EPHA5: variants seen among roughly 807,000 people sequenced by gnomAD.
The protein encoded by EPHA5 is ephrin type-A receptor 5.
EPHA5 carries 60 observed loss-of-function variants against 105.0 expected under a neutral mutation model. The ratio of observed to expected loss-of-function variants is 0.57; its 90% CI spans 0.46 to 0.71. The LOEUF (loss-of-function observed/expected upper bound fraction) is 0.71. EPHA5 is among the 30% of genes least tolerant of loss of function. The pLI, the probability that EPHA5 is intolerant of heterozygous loss-of-function variation, is 0.00. For missense variants in EPHA5, 1,218 were observed against 1,274.7 expected, an observed-to-expected ratio of 0.96 and a Z score of 0.68; for synonymous variants, 513 against 449.1, an observed-to-expected ratio of 1.14 and a Z score of -1.80.
chr4:65,512,833 TATC>T (rs1733752870), intron 3 of EPHA5, among the ~76,000 whole-genome samples: 1 of 152,074 alleles, frequency 6.6e-6, no homozygotes, highest in Admixed American at 6.6e-5. Context: ...AACACCAAGA[TATC>T]ATCAACATGA....
intron 5 of EPHA5, among the ~76,000 whole-genome samples, chr4:65,472,290 T>C (rs375664013): frequency 5.3e-5 from 8 of 152,102 alleles, no homozygotes; most frequent in East Asian, 1.9e-4. Flanking sequence ...AGCTCCTTCA[T>C]GGGTTGGCAT....
chr4:65,325,957 A>T (rs1720032931), intron 16 of EPHA5, among the ~76,000 whole-genome samples: 1 of 150,176 alleles, frequency 6.7e-6, no homozygotes, highest in African/African-American at 2.4e-5. Flanking sequence ...GTCATTGTCA[A>T]TTTCCCCTTA....
At chr4:65,567,523 A>G (rs1401242372) in intron 3 of EPHA5, among the ~76,000 whole-genome samples, 3 of 151,636 alleles carry the variant, frequency 2.0e-5, no homozygotes, top group African/African-American at 7.2e-5. Flanking sequence ...AAAGAAAAGT[A>G]AATGTTCAAG....
chr4:65,579,434 C>A (rs1741396513), intron 3 of EPHA5, among the ~76,000 whole-genome samples: 1 of 148,740 alleles, frequency 6.7e-6, no homozygotes, highest in South Asian at 2.1e-4. Context: ...AGGATTGTGG[C>A]AGTATAGATT....
chr4:65,649,509 A>G (rs894508946), intron 1 of EPHA5, among the ~76,000 whole-genome samples: 12 of 152,338 alleles, frequency 7.9e-5, no homozygotes, highest in African/African-American at 2.9e-4. Context: ...GTCCTTTTGT[A>G]TATTAACCAC....
chr4:65,599,598 T>C (rs1015889183), intron 3 of EPHA5, among the ~76,000 whole-genome samples: 4 of 152,118 alleles, frequency 2.6e-5, no homozygotes, highest in Admixed American at 2.6e-4. Context: ...ACCGACTACA[T>C]GTGTGAAACA....
At chr4:65,605,369 C>G (rs781005544) in intron 2 of EPHA5, among the ~76,000 whole-genome samples, 1 of 152,170 alleles carries the variant, frequency 6.6e-6, no homozygotes. Flanking sequence ...CCATCTGCCT[C>G]TCATTGCTCT....
intron 2 of EPHA5, among the ~76,000 whole-genome samples, chr4:65,637,572 A>ATATATATATATATATC (rs1747251044): frequency 9.1e-6 from 1 of 109,940 alleles, no homozygotes; most frequent in Non-Finnish European, 1.9e-5. Context: ...AGTTTTGCAT[A>ATATATATATATATATC]TATATATATA....
At chr4:65,333,539 CTGTGTGTGTGTGTGTGTG>C (rs56925203) in intron 15 of EPHA5, among the ~76,000 whole-genome samples, 11,747 of 111,804 alleles carry the variant, frequency 0.11, 575 homozygotes, top group Middle Eastern at 0.16. Flanking sequence ...GAGTGTGTGT[CTGTGTGTGTGTGTGTGTG>C]TGTGTGTGTG....
At chr4:65,551,241 T>A (rs6823964) in intron 3 of EPHA5, among the ~76,000 whole-genome samples, 31,740 of 136,526 alleles carry the variant, frequency 0.23, 3,475 homozygotes, top group Admixed American at 0.31. Context: ...ATATGGAGTG[T>A]ATATATTTAT....
chr4:65,499,879 T>A (rs1048929090), intron 3 of EPHA5, among the ~76,000 whole-genome samples: 12 of 151,298 alleles, frequency 7.9e-5, no homozygotes, highest in African/African-American at 2.4e-4. Flanking sequence ...GATTTGAATT[T>A]AATCTGAAAC....
At chr4:65,373,673 C>T (rs2148911305) in intron 8 of EPHA5, among the ~76,000 whole-genome samples, 1 of 151,884 alleles carries the variant, frequency 6.6e-6, no homozygotes, top group East Asian at 1.9e-4. Context: ...TATTATGTCT[C>T]TGATTTAAAA....
chr4:65,505,480 T>C (rs1732918227), intron 3 of EPHA5, among the ~76,000 whole-genome samples: 1 of 152,128 alleles, frequency 6.6e-6, no homozygotes, highest in Admixed American at 6.6e-5. Flanking sequence ...AAGCAGAAAA[T>C]TGAATTAAAT....
chr4:65,434,656 G>A (rs1165668161), intron 5 of EPHA5, among the ~76,000 whole-genome samples: 1 of 151,930 alleles, frequency 6.6e-6, no homozygotes, highest in Admixed American at 6.6e-5. Flanking sequence ...CTCTTCCAAA[G>A]CACTTCTCTA....
intron 8 of EPHA5, among the ~76,000 whole-genome samples, chr4:65,378,310 A>G (rs1405677785): frequency 6.6e-6 from 1 of 151,912 alleles, no homozygotes; most frequent in Middle Eastern, 3.2e-3. Flanking sequence ...CCAAATCATT[A>G]TTTTCACTGT....
chr4:65,374,214 A>T (rs967273157), intron 8 of EPHA5, among the ~76,000 whole-genome samples: 1 of 151,904 alleles, frequency 6.6e-6, no homozygotes, highest in African/African-American at 2.4e-5. Context: ...AGCCTTGGGG[A>T]TATGGTGCTT....
At chr4:65,460,287 A>G (rs60861716) in intron 5 of EPHA5, among the ~76,000 whole-genome samples, 26,843 of 151,340 alleles carry the variant, frequency 0.18, 2,671 homozygotes, top group African/African-American at 0.24. Context: ...ACATTACTAT[A>G]TATTCATATT....
chr4:65,633,897 A>G (rs1382639625), intron 2 of EPHA5, among the ~76,000 whole-genome samples: 2 of 152,072 alleles, frequency 1.3e-5, no homozygotes, highest in Non-Finnish European at 2.9e-5. Flanking sequence ...AATAATAAAC[A>G]ATTGGATGCA....
At chr4:65,421,994 A>C (rs1045577163) in intron 5 of EPHA5, among the ~76,000 whole-genome samples, 2 of 152,136 alleles carry the variant, frequency 1.3e-5, no homozygotes, top group African/African-American at 4.8e-5. Context: ...TTTGTGGGTA[A>C]AGACAACAAA....
Sources: gnomAD v4.1 joint callset for allele counts (sites outside exome capture counted in the v4.1 genomes callset) on GRCh38, gnomAD v4.1.1 for gene constraint, MANE v1.5 for transcripts, NCBI Gene and HGNC (gene_info 2026-07-23, HGNC 2026-07-21) for gene names.